CACNG8: variants seen among roughly 807,000 people sequenced by gnomAD.
CACNG8 encodes the protein voltage-dependent calcium channel gamma-8 subunit.
A neutral mutation model predicts 26.9 loss-of-function variants in CACNG8; 5 were observed. The observed-to-expected ratio is 0.19, with a 90% CI of 0.10 to 0.39. The LOEUF (loss-of-function observed/expected upper bound fraction) is 0.39. CACNG8 is among the 10% of genes least tolerant of loss of function. The pLI, the probability that CACNG8 is intolerant of heterozygous loss-of-function variation, is 1.00. For synonymous variants in CACNG8, 321 were observed against 296.7 expected, an observed-to-expected ratio of 1.08 and a Z score of -0.84; for missense variants, 473 against 609.4, an observed-to-expected ratio of 0.78 and a Z score of 2.36.
rs112431113 is a variant in CACNG8, at chr19:53,980,579, G to T, written c.508+572G>T. Reference sequence around the variant, plus strand: ...GGAGACTGAATCGGCCCTTGCCCGTGGCCATTTGGAGAAGGAGAGGCTAGA... The same window carrying T: ...GGAGACTGAATCGGCCCTTGCCCGTTGCCATTTGGAGAAGGAGAGGCTAGA... On this transcript the variant is annotated intron_variant, in intron 3 of 3. Transcript: ENST00000270458. 2.9e-4 allele frequency among the ~76,000 whole-genome samples: 44 copies of T among 152,244 alleles called. No individual in the cohort carries two copies. In the South Asian group the frequency reaches 3.1e-3, roughly 11 times the overall value.
intron 1 of CACNG8, among the ~76,000 whole-genome samples, chr19:53,974,787 A>G (rs1245406302): frequency 1.9e-4 from 27 of 143,690 alleles, no homozygotes; most frequent in East Asian, 6.5e-4. Flanking sequence ...GACTATAGGC[A>G]CACACCACCA....
At chr19:53,968,340 A>G (rs990851472) in intron 1 of CACNG8, among the ~76,000 whole-genome samples, 4 of 150,618 alleles carry the variant, frequency 2.7e-5, no homozygotes, top group Admixed American at 1.3e-4. Context: ...ATACCACTAC[A>G]CTCCAGTCTG....
At chr19:53,969,525 A>G (rs2069290228) in intron 1 of CACNG8, among the ~76,000 whole-genome samples, 1 of 151,170 alleles carries the variant, frequency 6.6e-6, no homozygotes, top group African/African-American at 2.4e-5. Flanking sequence ...CTCTCAACGC[A>G]TTGGGATTAC....
intron 1 of CACNG8, among the ~76,000 whole-genome samples, chr19:53,975,651 T>C (rs1380144045): frequency 6.6e-6 from 1 of 152,156 alleles, no homozygotes; most frequent in Non-Finnish European, 1.5e-5. Flanking sequence ...ATGGCTACGA[T>C]TACAGACGTG....
At chr19:53,979,342 A>C (rs543824456) in intron 2 of CACNG8, among the ~76,000 whole-genome samples, 122 of 152,100 alleles carry the variant, frequency 8.0e-4, no homozygotes, top group African/African-American at 2.7e-3. Context: ...AGAGAAACTC[A>C]GAAGTAGATT....
chr19:53,980,057 CGTGTGTGTGTGT>C (rs56223082), intron 3 of CACNG8, 50 bp downstream of exon 3: 353 of 1,104,250 alleles, frequency 3.2e-4, no homozygotes, highest in Non-Finnish European at 4.0e-4. Context: ...TGGGCGCGCA[CGTGTGTGTGTGT>C]GTGTGTGTGT....
At chr19:53,964,120 G>A (rs75546912) in intron 1 of CACNG8, among the ~76,000 whole-genome samples, 105 of 151,808 alleles carry the variant, frequency 6.9e-4, no homozygotes, top group African/African-American at 2.4e-3. Context: ...CCTCTTTCCC[G>A]TCAGTTCATC....
chr19:53,977,934 TC>T (rs1449631522), intron 1 of CACNG8, among the ~76,000 whole-genome samples: 1 of 152,192 alleles, frequency 6.6e-6, no homozygotes, highest in Non-Finnish European at 1.5e-5. Context: ...TCCTTGCTTT[TC>T]TTCTTTTCTT....
At chr19:53,972,339 C>T (rs1240716407) in intron 1 of CACNG8, among the ~76,000 whole-genome samples, 3 of 134,016 alleles carry the variant, frequency 2.2e-5, no homozygotes, top group African/African-American at 2.8e-5. Context: ...TTTTTTTTTT[C>T]TTTCTTCTCT....
At chr19:53,971,908 A>G (rs936071209) in intron 1 of CACNG8, among the ~76,000 whole-genome samples, 4 of 152,094 alleles carry the variant, frequency 2.6e-5, no homozygotes, top group Non-Finnish European at 5.9e-5. Context: ...ACTCAGGGCC[A>G]TGACATCACC....
At position 53,963,052 on chromosome 19, in the gene CACNG8, C is replaced by T; in HGVS notation, c.-91C>T. 3.0e-6 allele frequency: 2 copies of T among 665,960 alleles called. No individual in the cohort carries two copies. The highest frequency in any genetic ancestry group is 3.6e-5 in the East Asian group (1 of 28,116). 41.3% of individuals were successfully genotyped at this position (665,960 alleles called of 1,614,324 possible). ...CCGGCCCCGGGCCCCCCGCTTCTGC[C>T]TGCGCTGTGAACCCCCCCCCAGCCG... On this transcript the variant is annotated 5_prime_UTR_variant, in exon 1 of 4. Coordinates refer to ENST00000270458, the MANE Select transcript of CACNG8 (RefSeq NM_031895.6).
chr19:53,981,450 G>A (rs1234938312), intron 3 of CACNG8, among the ~76,000 whole-genome samples: 1 of 152,022 alleles, frequency 6.6e-6, no homozygotes, highest in Non-Finnish European at 1.5e-5. Flanking sequence ...TAGACCAGCA[G>A]AGTTGGGACC....
At chr19:53,975,305 T>C (rs1490371430) in intron 1 of CACNG8, among the ~76,000 whole-genome samples, 2 of 152,166 alleles carry the variant, frequency 1.3e-5, no homozygotes, top group Non-Finnish European at 2.9e-5. Flanking sequence ...TATCTCACTG[T>C]GGTTTTGATT....
At chr19:53,965,388 C>G (rs760754340) in intron 1 of CACNG8, among the ~76,000 whole-genome samples, 14 of 152,010 alleles carry the variant, frequency 9.2e-5, no homozygotes, top group Non-Finnish European at 1.8e-4. Flanking sequence ...CCATCTGCTC[C>G]GTCTCGCCTC....
intron 3 of CACNG8, 72 bp downstream of exon 3, chr19:53,980,079 TGTGTGTGCGC>T (rs1012423066): frequency 7.8e-5 from 111 of 1,419,494 alleles, no homozygotes; most frequent in Middle Eastern, 1.9e-4. Flanking sequence ...TGTGTGTGTG[TGTGTGTGCGC>T]GCGCGCGCGT....
intron 1 of CACNG8, among the ~76,000 whole-genome samples, chr19:53,970,767 T>C (rs1379881578): frequency 2.0e-5 from 3 of 149,668 alleles, no homozygotes; most frequent in Non-Finnish European, 3.0e-5. Flanking sequence ...ACCCCGCCTG[T>C]GTAAAAAATT....
At chr19:53,974,201 C>T (rs1342732235) in intron 1 of CACNG8, among the ~76,000 whole-genome samples, 1 of 152,146 alleles carries the variant, frequency 6.6e-6, no homozygotes, top group Non-Finnish European at 1.5e-5. Context: ...AGTGGAATGA[C>T]ACAGTATTTG....
Position 53,979,879 on chromosome 19 carries a change from C to T in CACNG8, c.380C>T (p.Ala127Val). Reference sequence around the variant, plus strand: ...TCCTCCCCCGCAGGAGTTGTCCGGGCCTCCAGCATCTTCCCCATCCTTAGC... The same window carrying T: ...TCCTCCCCCGCAGGAGTTGTCCGGGTCTCCAGCATCTTCCCCATCCTTAGC... The change falls in exon 3 of 4, where the codon GCC becomes GTC. Residue 127 changes from alanine to valine, a missense_variant. By Grantham distance (64) the Ala-to-Val change is moderately conservative. Around this residue, in one of 6 missense-constraint regions of CACNG8, gnomAD observed 155 missense variants for 253.0 expected, o/e 0.61. Coordinates refer to ENST00000270458, the MANE Select transcript of CACNG8 (RefSeq NM_031895.6). 1 of 1,604,988 alleles carries T rather than the reference C, an allele frequency of 6.2e-7. No homozygotes were observed.
intron 1 of CACNG8, among the ~76,000 whole-genome samples, chr19:53,977,665 T>G (rs2069337852): frequency 6.6e-6 from 1 of 152,230 alleles, no homozygotes. Context: ...ACTCCAGACT[T>G]CACGGGGTCT....
Sources: allele counts gnomAD v4.1 joint callset (sites outside exome capture counted in the v4.1 genomes callset), GRCh38; gene constraint gnomAD v4.1.1; regional missense constraint gnomAD v4.1.1; transcripts MANE v1.5; gene names NCBI Gene and HGNC (gene_info 2026-07-23, HGNC 2026-07-21).